FMN1: variants seen among roughly 807,000 people sequenced by gnomAD.
FMN1 encodes the protein formin-1.
A neutral mutation model predicts 132.4 loss-of-function variants in FMN1; 110 were observed. The ratio of observed to expected loss-of-function variants is 0.83; its 90% CI spans 0.71 to 0.97. FMN1 has a LOEUF of 0.97. Among genes scored for constraint, FMN1 ranks in the 50% least tolerant of loss-of-function variants. The pLI, the probability that FMN1 is intolerant of heterozygous loss-of-function variation, is 0.00. For synonymous variants in FMN1, 722 were observed against 651.7 expected (o/e 1.11, Z -1.64); for missense variants, 1,792 against 1,705.3 (o/e 1.05, Z -0.90).
chr15:33,017,533 C>G (rs2035127973), intron 6 of FMN1, among the ~76,000 whole-genome samples: 1 of 151,746 alleles, frequency 6.6e-6, no homozygotes, highest in Admixed American at 6.6e-5. Flanking sequence ...CTATGTTGTT[C>G]AATAACTTAC....
At chr15:33,009,288 C>T (rs1352309196) in intron 6 of FMN1, among the ~76,000 whole-genome samples, 1 of 152,182 alleles carries the variant, frequency 6.6e-6, no homozygotes, top group African/African-American at 2.4e-5. Flanking sequence ...AGGGTGCCTG[C>T]TTCTACTTTT....
chr15:33,102,365 G>C (rs767596352), intron 4 of FMN1, among the ~76,000 whole-genome samples: 1 of 152,114 alleles, frequency 6.6e-6, no homozygotes, highest in Non-Finnish European at 1.5e-5. Flanking sequence ...ACATTGGGGA[G>C]CAGAAAGATA....
chr15:32,788,766 A>G (rs953931213), intron 19 of FMN1, among the ~76,000 whole-genome samples: 1 of 152,240 alleles, frequency 6.6e-6, no homozygotes, highest in Non-Finnish European at 1.5e-5. Context: ...TTTTGATTTG[A>G]GCTCCAAAGA....
At chr15:33,151,515 C>A in intron 4 of FMN1, 1 of 823,608 alleles carries the variant, frequency 1.2e-6, no homozygotes, top group South Asian at 2.0e-5. Flanking sequence ...GTGTGCCTGC[C>A]TTGATCCAGA....
chr15:33,098,429 C>G (rs1036829670), intron 4 of FMN1, among the ~76,000 whole-genome samples: 1 of 152,162 alleles, frequency 6.6e-6, no homozygotes, highest in African/African-American at 2.4e-5. Context: ...GAACACTTGT[C>G]TTCTCTAAAA....
At chr15:32,848,074 G>A (rs924330566) in intron 17 of FMN1, among the ~76,000 whole-genome samples, 1 of 152,010 alleles carries the variant, frequency 6.6e-6, no homozygotes, top group South Asian at 2.1e-4. Flanking sequence ...AAGCACCTGT[G>A]TAATGAAGAG....
intron 4 of FMN1, among the ~76,000 whole-genome samples, chr15:33,109,707 G>A (rs551619893): frequency 1.3e-5 from 2 of 151,976 alleles, no homozygotes; most frequent in East Asian, 1.9e-4. Context: ...ATGAGAGGAG[G>A]GAGAGAAACA....
chr15:32,803,699 G>T lies in FMN1; in HGVS notation c.3980+582C>A, dbSNP rs556958964. On this transcript the variant is annotated intron_variant, in intron 18 of 20. Coordinates refer to ENST00000616417, the MANE Select transcript of FMN1 (RefSeq NM_001277313.2). ...TGAGGAAAGACATAATAAGTCTCTT[G>T]GGTGTCTGCAATAATTAGTTTGATC... Among the ~76,000 whole-genome samples the T allele has an allele frequency of 6.6e-5, 10 of 152,204 alleles. 1 individual carries two copies. Among genetic ancestry groups the T allele is most frequent in the African/African-American group, 2.4e-4 (10 of 41,506 alleles).
chr15:33,006,063 A>T (rs1412210111), intron 7 of FMN1, among the ~76,000 whole-genome samples: 1 of 152,220 alleles, frequency 6.6e-6, no homozygotes, highest in Non-Finnish European at 1.5e-5. Context: ...ACTTGCAATA[A>T]CATAACATAT....
intron 9 of FMN1, among the ~76,000 whole-genome samples, 165 bp downstream of exon 9, chr15:32,963,942 C>G (rs1180791514): frequency 6.7e-6 from 1 of 149,936 alleles, no homozygotes; most frequent in Non-Finnish European, 1.5e-5. Flanking sequence ...CACACACACA[C>G]ACACAGAATA....
intron 16 of FMN1, among the ~76,000 whole-genome samples, chr15:32,862,123 C>A (rs1432123629): frequency 1.3e-5 from 2 of 152,124 alleles, no homozygotes; most frequent in Non-Finnish European, 2.9e-5. Context: ...TGCTTTCTAG[C>A]AGACAAATGG....
intron 19 of FMN1, among the ~76,000 whole-genome samples, chr15:32,782,370 T>G (rs183288019): frequency 6.6e-6 from 1 of 152,254 alleles, no homozygotes; most frequent in East Asian, 1.9e-4. Flanking sequence ...GATTGCTTTT[T>G]GCATTTATCC....
At chr15:33,127,636 C>G (rs1034394051) in intron 4 of FMN1, among the ~76,000 whole-genome samples, 1 of 136,008 alleles carries the variant, frequency 7.4e-6, no homozygotes. Flanking sequence ...ATTTTCCAAT[C>G]AAACTCAGCA....
intron 17 of FMN1, among the ~76,000 whole-genome samples, chr15:32,848,437 TTAGA>T (rs1411191119): frequency 2.0e-5 from 3 of 152,202 alleles, no homozygotes; most frequent in Non-Finnish European, 4.4e-5. Context: ...GAGGCTTCCA[TTAGA>T]TAGAGCCATC....
intron 3 of FMN1, among the ~76,000 whole-genome samples, chr15:33,174,517 A>C (rs16966205): frequency 0.047 from 7,123 of 152,306 alleles, 306 homozygotes; most frequent in East Asian, 0.1. Context: ...TTGCTCTCTT[A>C]AGCTGTATTC....
At chr15:33,071,691 A>C (rs2038006412) in intron 5 of FMN1, among the ~76,000 whole-genome samples, 1 of 151,982 alleles carries the variant, frequency 6.6e-6, no homozygotes, top group Non-Finnish European at 1.5e-5. Flanking sequence ...AGCACGAGTA[A>C]GATTCAAAGA....
chr15:32,865,497 T>G (rs1235015369), intron 16 of FMN1, among the ~76,000 whole-genome samples: 1 of 152,170 alleles, frequency 6.6e-6, no homozygotes, highest in Non-Finnish European at 1.5e-5. Context: ...ATTGAGAAAT[T>G]AAACATATTA....
chr15:32,777,270 T>C (rs2056449094), intron 19 of FMN1, among the ~76,000 whole-genome samples: 1 of 151,996 alleles, frequency 6.6e-6, no homozygotes, highest in Admixed American at 6.6e-5. Context: ...TGAGATGATT[T>C]TGAAGAATGA....
chr15:32,955,486 A>T (rs989867896), intron 9 of FMN1, among the ~76,000 whole-genome samples: 1 of 152,084 alleles, frequency 6.6e-6, no homozygotes, highest in African/African-American at 2.4e-5. Flanking sequence ...AGGCCAGAGG[A>T]CTCACTATCA....
Sources: allele counts gnomAD v4.1 joint callset (sites outside exome capture counted in the v4.1 genomes callset), GRCh38; gene constraint gnomAD v4.1.1; transcripts MANE v1.5; gene names NCBI Gene and HGNC (gene_info 2026-07-23, HGNC 2026-07-21).